RBFOX1: variants seen among roughly 807,000 people sequenced by gnomAD.
RBFOX1 encodes the protein RNA binding fox-1 homolog 1.
Under a neutral mutation model 57.7 loss-of-function variants are expected in RBFOX1, and 8 were observed. The observed-to-expected ratio is 0.14, with a 90% confidence interval of 0.08 to 0.25. The LOEUF (loss-of-function observed/expected upper bound fraction) is 0.25. Among genes scored for constraint, RBFOX1 ranks in the 10% least tolerant of loss-of-function variants. The probability of loss-of-function intolerance (pLI) is 1.00; values close to 1 mark genes in which losing one functional copy is unlikely to be tolerated. For synonymous variants in RBFOX1, 326 were observed against 222.4 expected, an observed-to-expected ratio of 1.47 and a Z score of -4.15; for missense variants, 611 against 548.5, an observed-to-expected ratio of 1.11 and a Z score of -1.14.
At chr16:5,738,393 A>G (rs2052655558) in intron 3 of RBFOX1, among the ~76,000 whole-genome samples, 6 of 151,902 alleles carry the variant, frequency 3.9e-5, no homozygotes, top group Admixed American at 3.9e-4. Context: ...ACAGTTTGGG[A>G]GGCCAAGGCA....
At chr16:7,152,990 T>G (rs1158632113) in intron 4 of RBFOX1, among the ~76,000 whole-genome samples, 1 of 152,222 alleles carries the variant, frequency 6.6e-6, no homozygotes, top group Non-Finnish European at 1.5e-5. Flanking sequence ...TTTATTCTTA[T>G]GAAAGAGAGT....
intron 4 of RBFOX1, among the ~76,000 whole-genome samples, chr16:7,454,799 C>G (rs948996316): frequency 6.6e-6 from 1 of 152,172 alleles, no homozygotes; most frequent in East Asian, 1.9e-4. Context: ...TTTGAGATTC[C>G]TCTTGACCTT....
intron 2 of RBFOX1, among the ~76,000 whole-genome samples, chr16:6,436,393 T>G (rs895214295): frequency 6.6e-6 from 1 of 152,158 alleles, no homozygotes; most frequent in African/African-American, 2.4e-5. Context: ...TGTCCTGTGC[T>G]AGGCTCTTGC....
intron 4 of RBFOX1, among the ~76,000 whole-genome samples, chr16:7,108,682 A>G (rs2064067334): frequency 6.6e-6 from 1 of 152,202 alleles, no homozygotes; most frequent in Non-Finnish European, 1.5e-5. Context: ...ATTTTGCAAC[A>G]TCCACCACAG....
At chr16:5,642,158 C>T (rs2048899862) in intron 3 of RBFOX1, among the ~76,000 whole-genome samples, 1 of 152,132 alleles carries the variant, frequency 6.6e-6, no homozygotes, top group Non-Finnish European at 1.5e-5. Context: ...GCCATGTGCT[C>T]ATTGAATCAG....
At chr16:6,081,397 T>C (rs1048919825) in intron 1 of RBFOX1, among the ~76,000 whole-genome samples, 1 of 152,168 alleles carries the variant, frequency 6.6e-6, no homozygotes, top group African/African-American at 2.4e-5. Flanking sequence ...GTCGGATGCC[T>C]GGGAATGTGA....
intron 3 of RBFOX1, among the ~76,000 whole-genome samples, chr16:6,800,616 C>T (rs547669791): frequency 1.9e-4 from 29 of 152,208 alleles, no homozygotes; most frequent in Non-Finnish European, 4.3e-4. Context: ...ATTCAGGATA[C>T]CAACATTTTT....
At chr16:6,753,253 C>T (rs1175932312) in intron 3 of RBFOX1, among the ~76,000 whole-genome samples, 5 of 152,066 alleles carry the variant, frequency 3.3e-5, no homozygotes, top group Admixed American at 2.0e-4. Flanking sequence ...TAGTAAAATG[C>T]CAGTAGTAGA....
chr16:7,004,299 C>T (rs1040988914), intron 3 of RBFOX1, among the ~76,000 whole-genome samples: 65 of 152,080 alleles, frequency 4.3e-4, no homozygotes, highest in African/African-American at 1.5e-3. Context: ...AAATTAACTC[C>T]ATTCGGATAC....
At chr16:5,850,301 A>G (rs78636363) in intron 3 of RBFOX1, among the ~76,000 whole-genome samples, 213 of 152,346 alleles carry the variant, frequency 1.4e-3, no homozygotes, top group African/African-American at 4.9e-3. Flanking sequence ...GGAAAAGGTA[A>G]GATAAGTGAC....
At chr16:5,539,414 A>G (rs1359440565) in intron 2 of RBFOX1, among the ~76,000 whole-genome samples, 2 of 151,994 alleles carry the variant, frequency 1.3e-5, no homozygotes, top group Admixed American at 6.6e-5. Context: ...CCAACATGAC[A>G]AAACCCTGTC....
At chr16:6,466,252 G>A (rs1010014519) in intron 2 of RBFOX1, among the ~76,000 whole-genome samples, 4 of 151,344 alleles carry the variant, frequency 2.6e-5, no homozygotes, top group Non-Finnish European at 5.9e-5. Flanking sequence ...AAGGATTAAG[G>A]ATTAAAAAAA....
At chr16:5,489,903 G>A (rs940554781) in intron 2 of RBFOX1, among the ~76,000 whole-genome samples, 7 of 152,202 alleles carry the variant, frequency 4.6e-5, no homozygotes, top group African/African-American at 1.2e-4. Flanking sequence ...CAACCTTCTT[G>A]GCACCTTAAG....
At chr16:5,331,336 C>T (rs1193073568) in intron 1 of RBFOX1, among the ~76,000 whole-genome samples, 1 of 152,192 alleles carries the variant, frequency 6.6e-6, no homozygotes, top group Non-Finnish European at 1.5e-5. Flanking sequence ...TAACAAATCA[C>T]CTCAAAACTT....
intron 4 of RBFOX1, among the ~76,000 whole-genome samples, chr16:5,867,919 C>G (rs577293284): frequency 9.9e-5 from 15 of 152,166 alleles, no homozygotes; most frequent in Admixed American, 2.0e-4. Flanking sequence ...ACCATGTTGA[C>G]CAAGCTGGTC....
intron 4 of RBFOX1, among the ~76,000 whole-genome samples, chr16:7,495,434 C>G (rs982437642): frequency 6.6e-6 from 1 of 152,206 alleles, no homozygotes; most frequent in Admixed American, 6.5e-5. Flanking sequence ...ACACACCCAC[C>G]AAAAGTGTAT....
intron 14 of RBFOX1, among the ~76,000 whole-genome samples, chr16:7,704,587 T>C (rs1201875926): frequency 6.6e-6 from 1 of 152,156 alleles, no homozygotes; most frequent in Non-Finnish European, 1.5e-5. Context: ...TGCACTGTTC[T>C]AGACAGTGGG....
At chr16:6,020,866 G>A (rs2095060350) in intron 1 of RBFOX1, among the ~76,000 whole-genome samples, 1 of 152,182 alleles carries the variant, frequency 6.6e-6, no homozygotes, top group African/African-American at 2.4e-5. Context: ...CGCGGAGCCC[G>A]GAAGCTGTCC....
intron 3 of RBFOX1, among the ~76,000 whole-genome samples, chr16:5,626,874 A>T (rs1038339207): frequency 6.6e-6 from 1 of 152,106 alleles, no homozygotes; most frequent in Admixed American, 6.6e-5. Context: ...ATAAGAAAGA[A>T]TTTTGCTTAA....
Sources: gnomAD v4.1 joint callset for allele counts (sites outside exome capture counted in the v4.1 genomes callset) on GRCh38, gnomAD v4.1.1 for gene constraint, MANE v1.5 for transcripts, NCBI Gene and HGNC (gene_info 2026-07-23, HGNC 2026-07-21) for gene names.